The following ASIC2 variants were observed in gnomAD, a reference collection of about 807,000 sequenced individuals.
ASIC2 encodes the protein acid-sensing ion channel 2.
ASIC2 carries 25 observed loss-of-function variants against 57.3 expected under a neutral mutation model. The ratio of observed to expected loss-of-function variants is 0.44; its 90% confidence interval spans 0.32 to 0.61. The LOEUF (loss-of-function observed/expected upper bound fraction) is 0.61, where lower values mean the gene tolerates loss of function less well. ASIC2 is among the 20% of genes least tolerant of loss of function. The pLI, the probability that ASIC2 is intolerant of heterozygous loss-of-function variation, is 0.06. For synonymous variants in ASIC2, 319 were observed against 307.5 expected (o/e 1.04, Z -0.39); for missense variants, 641 against 738.1 (o/e 0.87, Z 1.52).
chr17:33,722,296 T>C (rs1222370628), intron 1 of ASIC2, among the ~76,000 whole-genome samples: 4 of 152,206 alleles, frequency 2.6e-5, no homozygotes, highest in East Asian at 1.9e-4. Context: ...GCCATGATTG[T>C]GAGGCCTCCC....
chr17:33,427,338 C>T (rs577659628), intron 1 of ASIC2, among the ~76,000 whole-genome samples: 214 of 152,300 alleles, frequency 1.4e-3, no homozygotes, highest in African/African-American at 4.8e-3. Flanking sequence ...GCAGAATCTA[C>T]CCCATGGGAA....
At chr17:33,993,918 C>A (rs1906075758) in intron 1 of ASIC2, among the ~76,000 whole-genome samples, 1 of 152,142 alleles carries the variant, frequency 6.6e-6, no homozygotes, top group African/African-American at 2.4e-5. Flanking sequence ...CATGTGTCTG[C>A]CTTCCACAGT....
chr17:33,454,378 G>A (rs1168097890), intron 1 of ASIC2, among the ~76,000 whole-genome samples: 1 of 152,194 alleles, frequency 6.6e-6, no homozygotes, highest in Non-Finnish European at 1.5e-5. Flanking sequence ...ACAGCTATGA[G>A]GCAAAGACCC....
Position 33,140,169 on chromosome 17 carries a change from C to T in ASIC2, c.709-28102G>A, listed in dbSNP as rs116324804. ...TTTAAATAAGCTTCTCAGGTGAGTC[C>T]CGAAGTCTAAGGCTCTCTGGTTATT... is the stretch of plus-strand genomic sequence containing the variant. On this transcript the variant is annotated intron_variant, in intron 1 of 9. Coordinates refer to ENST00000225823, the MANE Select transcript of ASIC2 (RefSeq NM_183377.2). Among the ~76,000 whole-genome samples the T allele has an allele frequency of 2.9e-3, 446 of 152,234 alleles. 6 individuals are homozygous for T. The highest frequency in any genetic ancestry group is 0.01 in the African/African-American group (431 of 41,534).
intron 3 of ASIC2, among the ~76,000 whole-genome samples, chr17:33,029,774 T>C (rs777641989): frequency 1.1e-4 from 17 of 152,266 alleles, no homozygotes; most frequent in African/African-American, 1.7e-4. Flanking sequence ...TTCTCATTAC[T>C]CTACATCCAT....
At chr17:33,722,646 A>G (rs1461272509) in intron 1 of ASIC2, among the ~76,000 whole-genome samples, 1 of 151,730 alleles carries the variant, frequency 6.6e-6, no homozygotes, top group African/African-American at 2.4e-5. Flanking sequence ...TGGCACATAC[A>G]TAGATACTTG....
chr17:33,403,645 G>C (rs1759934254), intron 1 of ASIC2, among the ~76,000 whole-genome samples: 1 of 152,240 alleles, frequency 6.6e-6, no homozygotes, highest in Admixed American at 6.5e-5. Context: ...TGTGGGATTT[G>C]CTGTACTTAG....
chr17:33,984,747 A>T (rs563093564), intron 1 of ASIC2, among the ~76,000 whole-genome samples: 4 of 152,354 alleles, frequency 2.6e-5, no homozygotes, highest in Admixed American at 1.3e-4. Context: ...TTTGATCCTA[A>T]GCAAGGCATG....
At chr17:33,029,729 T>TAAAATA (rs1221465642) in intron 3 of ASIC2, among the ~76,000 whole-genome samples, 5 of 152,268 alleles carry the variant, frequency 3.3e-5, no homozygotes, top group Non-Finnish European at 7.3e-5. Context: ...AAAGTGGTTC[T>TAAAATA]TCTATTTTAT....
chr17:33,203,740 T>TGA (rs1906963150), intron 1 of ASIC2, among the ~76,000 whole-genome samples: 1 of 152,214 alleles, frequency 6.6e-6, no homozygotes, highest in South Asian at 2.1e-4. Context: ...CTCAGGTCCC[T>TGA]GCTCATATAG....
At chr17:34,006,847 TTTAG>T (rs1416750305) in intron 1 of ASIC2, 9 of 152,212 alleles carry the variant, frequency 5.9e-5, no homozygotes, top group African/African-American at 2.2e-4. Context: ...GTTTTTTTTC[TTTAG>T]TTGTTTGTTT....
chr17:33,337,398 T>C (rs780181164), intron 1 of ASIC2, among the ~76,000 whole-genome samples: 26 of 149,808 alleles, frequency 1.7e-4, no homozygotes, highest in Non-Finnish European at 3.1e-4. Context: ...CCCAAAGGCA[T>C]GTAATAGTGA....
intron 1 of ASIC2, among the ~76,000 whole-genome samples, chr17:33,704,834 A>G (rs1908815479): frequency 6.6e-6 from 1 of 152,202 alleles, no homozygotes; most frequent in Non-Finnish European, 1.5e-5. Context: ...GGTTCAGCCA[A>G]TTCAAGAAAA....
rs1236113039 is a variant in ASIC2, at chr17:33,159,791, A to G, written c.709-47724T>C. Among the ~76,000 whole-genome samples the G allele has an allele frequency of 2.0e-5, 3 of 152,184 alleles. No individual in the cohort carries two copies. The East Asian group carries it at 5.8e-4, about 29-fold the overall frequency. Reference sequence around the variant, plus strand: ...ACTGTGTGACTTGGATGAGTTACTTAATCTTCTTGTGCCTCAATTTCCCCA... The same window carrying G: ...ACTGTGTGACTTGGATGAGTTACTTGATCTTCTTGTGCCTCAATTTCCCCA... On this transcript the variant is annotated intron_variant, in intron 1 of 9. Transcript: ENST00000225823.
At chr17:34,005,649 A>AT (rs1224019460) in intron 1 of ASIC2, 1 of 152,154 alleles carries the variant, frequency 6.6e-6, no homozygotes, top group African/African-American at 2.4e-5. Context: ...TTCTGGGATG[A>AT]TTTTACCTGG....
chr17:33,816,776 A>C (rs1294566051), intron 1 of ASIC2: 4 of 152,188 alleles, frequency 2.6e-5, no homozygotes, highest in Admixed American at 2.6e-4. Flanking sequence ...CTAAATTCAC[A>C]TCAGTGAATC....
rs185995260 is a variant in ASIC2, at chr17:34,005,745, G to A, written c.555+150233C>T. On this transcript the variant is annotated intron_variant, in intron 1 of 9. Coordinates refer to the ASIC2 transcript ENST00000359872. ...TGCAAAGTCTTCCCTGACTACCCAC[G>A]GTGGCCCTTGCCTGCAGAGTTAACA... is the stretch of plus-strand genomic sequence containing the variant. 2.6e-5 allele frequency: 4 copies of A among 152,256 alleles called. No individual in the cohort carries two copies. In the East Asian group the frequency reaches 5.8e-4, roughly 22 times the overall value. The allele number at this position is 152,256 out of a possible 1,614,324, so 9.4% of individuals were successfully genotyped here.
At chr17:33,868,296 G>T (rs1914299586) in intron 1 of ASIC2, among the ~76,000 whole-genome samples, 1 of 151,904 alleles carries the variant, frequency 6.6e-6, no homozygotes, top group Non-Finnish European at 1.5e-5. Context: ...GCCACTGTGG[G>T]ATGAAAACAG....
At chr17:33,381,327 G>A (rs373000775) in intron 1 of ASIC2, among the ~76,000 whole-genome samples, 54 of 152,350 alleles carry the variant, frequency 3.5e-4, no homozygotes, top group African/African-American at 1.3e-3. Context: ...CTGGGCTGAG[G>A]CACCAAGAGC....
Sources: gnomAD v4.1 joint callset for allele counts (sites outside exome capture counted in the v4.1 genomes callset) on GRCh38, gnomAD v4.1.1 for gene constraint, MANE v1.5 for transcripts, NCBI Gene and HGNC (gene_info 2026-07-23, HGNC 2026-07-21) for gene names.